The following FCHO2 variants were observed in gnomAD, a reference collection of about 807,000 sequenced individuals.
FCHO2 encodes F-BAR domain only protein 2.
In FCHO2, 43 loss-of-function variants were observed where a neutral mutation model predicts 114.1. The observed-to-expected ratio is 0.38, with a 90% CI of 0.30 to 0.49. FCHO2 has a LOEUF of 0.49. Among genes scored for constraint, FCHO2 ranks in the 20% least tolerant of loss-of-function variants. FCHO2 has a pLI of 0.97. For synonymous variants in FCHO2, 293 were observed against 315.2 expected, an observed-to-expected ratio of 0.93 and a Z score of 0.75; for missense variants, 807 against 950.4, an observed-to-expected ratio of 0.85 and a Z score of 1.98.
chr5:73,008,370 G>A (rs35141185), intron 6 of FCHO2, among the ~76,000 whole-genome samples: 3,284 of 152,278 alleles, frequency 0.022, 53 homozygotes, highest in Non-Finnish European at 0.035. Context: ...TGGAGAAGGA[G>A]ACAAGTGAAT....
intron 2 of FCHO2, among the ~76,000 whole-genome samples, chr5:72,985,286 C>G (rs116343937): frequency 1.3e-5 from 2 of 151,954 alleles, no homozygotes; most frequent in African/African-American, 4.8e-5. Context: ...TCTGCCTCCC[C>G]GAGTAGCTGG....
intron 25 of FCHO2, 131 bp from the exon 26 acceptor site, chr5:73,087,937 C>A: frequency 1.4e-6 from 2 of 1,403,776 alleles, no homozygotes; most frequent in East Asian, 2.4e-5. Flanking sequence ...TAGCTGAACA[C>A]CTGTTATCTG....
chr5:73,028,564 A>G (rs554502230), intron 8 of FCHO2, among the ~76,000 whole-genome samples: 2 of 152,152 alleles, frequency 1.3e-5, no homozygotes, highest in South Asian at 4.1e-4. Context: ...CTACTGATAC[A>G]TGCAATTACA....
intron 1 of FCHO2, among the ~76,000 whole-genome samples, chr5:72,967,897 G>A (rs1016372560): frequency 5.9e-5 from 9 of 151,844 alleles, no homozygotes; most frequent in Admixed American, 2.6e-4. Context: ...TGGGATTACA[G>A]GCGTGAGCCA....
chr5:72,979,701 A>G (rs1364203793), intron 2 of FCHO2, among the ~76,000 whole-genome samples: 2 of 151,938 alleles, frequency 1.3e-5, no homozygotes, highest in Non-Finnish European at 2.9e-5. Flanking sequence ...GAATTTATCA[A>G]TTTCTAATAG....
At chr5:72,964,510 A>G (rs952856826) in intron 1 of FCHO2, among the ~76,000 whole-genome samples, 3 of 152,120 alleles carry the variant, frequency 2.0e-5, no homozygotes, top group East Asian at 3.9e-4. Flanking sequence ...CAGCCTCCCA[A>G]TATAGCTGGG....
intron 5 of FCHO2, among the ~76,000 whole-genome samples, chr5:72,992,870 A>T (rs1052159741): frequency 3.3e-5 from 5 of 152,128 alleles, no homozygotes; most frequent in Admixed American, 2.0e-4. Flanking sequence ...TATAAAGCAT[A>T]ACACAATTCT....
chr5:73,077,687 A>G (rs115116213), intron 21 of FCHO2, among the ~76,000 whole-genome samples, 194 bp downstream of exon 21: 1,531 of 152,184 alleles, frequency 0.01, 21 homozygotes, highest in African/African-American at 0.035. Flanking sequence ...AAAAACAAAA[A>G]ACAAGAACAA....
At chr5:73,070,924 T>C (rs2112879090) in intron 19 of FCHO2, among the ~76,000 whole-genome samples, 1 of 152,190 alleles carries the variant, frequency 6.6e-6, no homozygotes, top group South Asian at 2.1e-4. Context: ...CACACTGAAA[T>C]TGAAAAGCAC....
intron 5 of FCHO2, among the ~76,000 whole-genome samples, chr5:72,994,567 T>C (rs536887078): frequency 6.6e-6 from 1 of 152,310 alleles, no homozygotes; most frequent in Admixed American, 6.5e-5. Context: ...TGGAAAGCAG[T>C]GTGTGGCGAT....
chr5:73,071,892 G>A (rs938687723), intron 19 of FCHO2, among the ~76,000 whole-genome samples: 3 of 152,118 alleles, frequency 2.0e-5, no homozygotes, highest in African/African-American at 4.8e-5. Context: ...TTACAGAGTC[G>A]TGTTATGTGC....
intron 2 of FCHO2, among the ~76,000 whole-genome samples, chr5:72,969,709 A>G (rs957419729): frequency 2.0e-5 from 3 of 152,176 alleles, no homozygotes; most frequent in African/African-American, 7.2e-5. Context: ...CCCAGAATCT[A>G]TCCCTTTCTG....
At chr5:73,065,608 T>C (rs1240321761) in intron 18 of FCHO2, among the ~76,000 whole-genome samples, 1 of 152,038 alleles carries the variant, frequency 6.6e-6, no homozygotes, top group Non-Finnish European at 1.5e-5. Context: ...AACAGAATAT[T>C]GTTGAATGCA....
At chr5:72,980,285 A>G (rs1753131729) in intron 2 of FCHO2, among the ~76,000 whole-genome samples, 1 of 152,080 alleles carries the variant, frequency 6.6e-6, no homozygotes, top group Admixed American at 6.6e-5. Context: ...CTGAGTTCTA[A>G]TTTGGTTGCA....
At chr5:72,993,874 A>G (rs1753937806) in intron 5 of FCHO2, among the ~76,000 whole-genome samples, 1 of 152,222 alleles carries the variant, frequency 6.6e-6, no homozygotes, top group Admixed American at 6.5e-5. Flanking sequence ...TGACAAAAAC[A>G]AGCAATGGGG....
chr5:73,081,970 C>T lies in FCHO2; in HGVS notation c.2168C>T (p.Pro723Leu), dbSNP rs764141719. Residue 723 changes from proline to leucine, a missense_variant, in exon 23 of 26, where the codon CCC becomes CTC. Coordinates refer to ENST00000430046, the MANE Select transcript of FCHO2 (RefSeq NM_138782.3). ...GGAGTAACGAACATGCAGTCCCTTC[C>T]CCCTGCAATATGGTAAATTAAACAT... is the stretch of plus-strand genomic sequence containing the variant. ...DGGVTNMQSL[P>L]PAIWNAEQMK... The T allele has an allele frequency of 2.0e-6, 3 of 1,524,400 alleles. No individual in the cohort carries two copies. Among genetic ancestry groups the T allele is most frequent in the African/African-American group, 1.4e-5 (1 of 71,624 alleles). The allele number at this position is 1,524,400 out of a possible 1,614,324, so 94.4% of individuals were successfully genotyped here. A position where few individuals can be genotyped will look rare whatever the true frequency, so the allele number is the denominator to read the frequency against.
chr5:73,031,772 A>G (rs1465342959), intron 8 of FCHO2, among the ~76,000 whole-genome samples: 1 of 152,170 alleles, frequency 6.6e-6, no homozygotes, highest in Admixed American at 6.5e-5. Context: ...TTTTAAAATA[A>G]TGTGTAAAAG....
intron 8 of FCHO2, among the ~76,000 whole-genome samples, chr5:73,029,812 C>G (rs1234701325): frequency 1.3e-5 from 2 of 152,072 alleles, no homozygotes; most frequent in African/African-American, 4.8e-5. Context: ...CGAGAACACA[C>G]TTATTACCAA....
At chr5:73,049,834 G>C (rs564168225) in intron 11 of FCHO2, among the ~76,000 whole-genome samples, 1 of 151,630 alleles carries the variant, frequency 6.6e-6, no homozygotes, top group African/African-American at 2.4e-5. Context: ...TAAACAAATT[G>C]TGTGTGTGTG....
Sources: allele counts gnomAD v4.1 joint callset (sites outside exome capture counted in the v4.1 genomes callset), GRCh38; gene constraint gnomAD v4.1.1; transcripts MANE v1.5; gene names NCBI Gene and HGNC (gene_info 2026-07-23, HGNC 2026-07-21).